Variants in LARGE1 observed in about 807,000 individuals in gnomAD.
LARGE1 encodes the protein LARGE xylosyl- and glucuronyltransferase 1, also known as xylosyl- and glucuronyltransferase LARGE1.
LARGE1 carries 43 observed loss-of-function variants against 87.6 expected under a neutral mutation model. The ratio of observed to expected loss-of-function variants is 0.49; its 90% CI spans 0.38 to 0.63. The LOEUF (loss-of-function observed/expected upper bound fraction) is 0.63. LARGE1 is among the 30% of genes least tolerant of loss of function. The pLI is 0.00. For synonymous variants in LARGE1, 434 were observed against 394.6 expected, an observed-to-expected ratio of 1.10 and a Z score of -1.18; for missense variants, 802 against 1,000.2, an observed-to-expected ratio of 0.80 and a Z score of 2.67.
At chr22:33,387,227 C>T (rs2065356079) in intron 7 of LARGE1, among the ~76,000 whole-genome samples, 1 of 148,300 alleles carries the variant, frequency 6.7e-6, no homozygotes. Flanking sequence ...GAGTCCAAGA[C>T]CAGCCCCGCC....
At chr22:33,305,541 G>A (rs9609757) in intron 11 of LARGE1, 262,573 of 971,178 alleles carry the variant, frequency 0.27, 37,126 homozygotes, top group Non-Finnish European at 0.29. Context: ...CCCAGCAAGA[G>A]GTACGTAATC....
intron 1 of LARGE1, among the ~76,000 whole-genome samples, chr22:33,852,593 T>A (rs547584274): frequency 2.6e-5 from 4 of 152,048 alleles, no homozygotes; most frequent in African/African-American, 9.6e-5. Flanking sequence ...ACACTTGTAA[T>A]CCTAGCACTT....
chr22:33,252,845 C>G (rs996619906), intron 11 of LARGE1, among the ~76,000 whole-genome samples: 1 of 152,176 alleles, frequency 6.6e-6, no homozygotes, highest in Non-Finnish European at 1.5e-5. Flanking sequence ...TGGGGTCACT[C>G]CATTTTTCTG....
At chr22:33,715,751 A>G (rs564734552) in intron 2 of LARGE1, among the ~76,000 whole-genome samples, 29 of 152,324 alleles carry the variant, frequency 1.9e-4, no homozygotes, top group African/African-American at 6.3e-4. Flanking sequence ...ACTGGAAAGC[A>G]GATGAGCCCC....
At chr22:33,536,611 TA>T (rs1301675338) in intron 6 of LARGE1, among the ~76,000 whole-genome samples, 6 of 152,232 alleles carry the variant, frequency 3.9e-5, no homozygotes, top group African/African-American at 1.4e-4. Context: ...CTTTCATGAA[TA>T]AATTTGGCCT....
chr22:33,231,487 G>A (rs76528924), intron 11 of LARGE1, among the ~76,000 whole-genome samples: 2,466 of 152,278 alleles, frequency 0.016, 23 homozygotes, highest in East Asian at 0.026. Flanking sequence ...TTGATACATA[G>A]CACATGCTCA....
chr22:33,676,295 C>T (rs1277417557), intron 2 of LARGE1, among the ~76,000 whole-genome samples: 1 of 136,000 alleles, frequency 7.4e-6, no homozygotes, highest in Non-Finnish European at 1.5e-5. Flanking sequence ...CTGTCACCAA[C>T]CACATCAAAT....
intron 5 of LARGE1, among the ~76,000 whole-genome samples, chr22:33,592,840 T>TTGTG (rs1286428778): frequency 1.6e-5 from 2 of 128,826 alleles, no homozygotes; most frequent in Non-Finnish European, 3.2e-5. Context: ...GTTTGTTTGT[T>TTGTG]TGTGTGTGTG....
At chr22:33,368,341 C>G (rs1202690042) in intron 9 of LARGE1, among the ~76,000 whole-genome samples, 1 of 152,012 alleles carries the variant, frequency 6.6e-6, no homozygotes, top group Non-Finnish European at 1.5e-5. Flanking sequence ...TGAGACCAGC[C>G]TGGCCAACAT....
At chr22:33,179,723 G>A (rs72620417) in intron 11 of LARGE1, among the ~76,000 whole-genome samples, 25,392 of 152,130 alleles carry the variant, frequency 0.17, 2,273 homozygotes, top group South Asian at 0.32. Context: ...TTTGGATTCA[G>A]TTAGACTAGC....
intron 3 of LARGE1, among the ~76,000 whole-genome samples, chr22:33,649,049 A>G (rs1348105139): frequency 6.6e-6 from 1 of 152,226 alleles, no homozygotes; most frequent in Admixed American, 6.5e-5. Context: ...GAATCCTGCT[A>G]TAATGGATGT....
intron 1 of LARGE1, among the ~76,000 whole-genome samples, chr22:33,777,921 T>C (rs897635634): frequency 5.3e-5 from 8 of 152,134 alleles, no homozygotes; most frequent in Admixed American, 5.2e-4. Context: ...TCACACAGGG[T>C]AACACTATGC....
intron 1 of LARGE1, among the ~76,000 whole-genome samples, chr22:33,823,489 C>T (rs912733788): frequency 7.2e-5 from 11 of 152,200 alleles, no homozygotes; most frequent in African/African-American, 2.7e-4. Context: ...ATTACAATAG[C>T]TTATCTAAGT....
rs375354223 is a variant in LARGE1, at chr22:33,417,407, T to C, written c.892+14754A>G. On this transcript the variant is annotated intron_variant, in intron 7 of 14. Transcript: ENST00000397394. Reference sequence around the variant, plus strand: ...GAGAAATGCAGGTGGGAGTGTAGAATTCATTTACTCAGTCAACAAATATTT... The same window carrying C: ...GAGAAATGCAGGTGGGAGTGTAGAACTCATTTACTCAGTCAACAAATATTT... 6.6e-5 allele frequency among the ~76,000 whole-genome samples: 10 copies of C among 152,146 alleles called. No individual in the cohort carries two copies. In the South Asian group the frequency reaches 1.2e-3, roughly 19 times the overall value.
At chr22:33,573,587 G>A (rs1056322773) in intron 5 of LARGE1, among the ~76,000 whole-genome samples, 3 of 152,144 alleles carry the variant, frequency 2.0e-5, no homozygotes, top group Admixed American at 6.5e-5. Flanking sequence ...GAGGGACCAG[G>A]GTCCATGATG....
At chr22:33,254,716 A>C (rs1306373155) in intron 11 of LARGE1, among the ~76,000 whole-genome samples, 29 of 152,188 alleles carry the variant, frequency 1.9e-4, no homozygotes, top group Admixed American at 1.9e-3. Context: ...TAATGAAATA[A>C]TATGTAAAGC....
chr22:33,764,833 T>C (rs1180853947), intron 1 of LARGE1, among the ~76,000 whole-genome samples: 1 of 152,214 alleles, frequency 6.6e-6, no homozygotes, highest in Non-Finnish European at 1.5e-5. Flanking sequence ...TAAATAGTTA[T>C]ACCGTATTGT....
At position 33,894,712 on chromosome 22, in the gene LARGE1, ACATGTGTGTGAC is replaced by A. The variant is rs540450045; in HGVS notation, c.-83+25271_-83+25282del. Among the ~76,000 whole-genome samples the A allele has an allele frequency of 4.3e-3, 656 of 152,050 alleles. 2 individuals carry two copies. Among genetic ancestry groups the A allele is most frequent in the Non-Finnish European group, 6.3e-3 (425 of 67,976 alleles). ...ACCCATATCTGGTCCAAGGTCACAC[ACATGTGTGTGAC>A]CTCATACAAGGAAATGAACCTCATT... is the stretch of plus-strand genomic sequence containing the variant. On this transcript the variant is annotated intron_variant, in intron 1 of 14. Coordinates refer to ENST00000397394, the MANE Select transcript of LARGE1 (RefSeq NM_133642.5).
chr22:33,575,356 ATG>A (rs2078323633), intron 5 of LARGE1, among the ~76,000 whole-genome samples: 5 of 152,190 alleles, frequency 3.3e-5, no homozygotes, highest in Non-Finnish European at 7.3e-5. Flanking sequence ...GGAAGTGTTG[ATG>A]TAAGATCAGG....
Sources: allele counts gnomAD v4.1 joint callset (sites outside exome capture counted in the v4.1 genomes callset), GRCh38; gene constraint gnomAD v4.1.1; transcripts MANE v1.5; gene names NCBI Gene and HGNC (gene_info 2026-07-23, HGNC 2026-07-21).